The following C3orf49 variants were observed in gnomAD, a reference collection of about 807,000 sequenced individuals.
C3orf49 encodes putative uncharacterized protein C3orf49.
C3orf49 carries 27 observed loss-of-function variants against 13.3 expected under a neutral mutation model. The observed-to-expected ratio is 2.02, with a 90% confidence interval of 1.49 to 2.79. The LOEUF is 2.79. Among genes scored for constraint, C3orf49 ranks in the 30% most tolerant of loss-of-function variants. The probability of loss-of-function intolerance (pLI) is 0.00; values close to 1 mark genes in which losing one functional copy is unlikely to be tolerated. For missense variants in C3orf49, 242 were observed against 134.2 expected, an observed-to-expected ratio of 1.80 and a Z score of -3.97; for synonymous variants, 87 against 47.6, an observed-to-expected ratio of 1.83 and a Z score of -3.40.
chr3:63,845,009 T>C lies in C3orf49; in HGVS notation c.850-14T>C. 1 of 693,072 alleles carries C rather than the reference T, an allele frequency of 1.4e-6. No homozygotes were observed. Among genetic ancestry groups the C allele is most frequent in the Non-Finnish European group, 2.6e-6 (1 of 379,666 alleles). 42.9% of individuals were successfully genotyped at this position (693,072 alleles called of 1,614,324 possible). A position where few individuals can be genotyped will look rare whatever the true frequency, so the allele number is the denominator to read the frequency against. On this transcript the variant is annotated splice_polypyrimidine_tract_variant and intron_variant, in intron 5 of 6. Transcript: ENST00000295896. ...TGAGATCTTTACATTTGTTGTAATTTTGTCTCTTGACAGATGACCACAAAA... is the reference window on the plus strand; with the variant it reads ...TGAGATCTTTACATTTGTTGTAATTCTGTCTCTTGACAGATGACCACAAAA...
chr3:63,786,469 G>A, the C3orf49 span, among the ~76,000 whole-genome samples: 13 of 152,252 alleles, frequency 8.5e-5, no homozygotes, highest in African/African-American at 2.9e-4. Context: ...CATGCTGACT[G>A]TTTAATGAGA....
the C3orf49 span, among the ~76,000 whole-genome samples, chr3:63,788,461 T>C: frequency 4.5e-4 from 69 of 152,234 alleles, no homozygotes; most frequent in African/African-American, 1.6e-3. Flanking sequence ...GGTGAAAACG[T>C]TGTTACGGAG....
chr3:63,793,508 C>T, the C3orf49 span, among the ~76,000 whole-genome samples: 1 of 151,978 alleles, frequency 6.6e-6, no homozygotes. Context: ...TGCCTTTTTC[C>T]CCTTCTTCGA....
intron 3 of C3orf49, among the ~76,000 whole-genome samples, chr3:63,829,761 T>C (rs751232847): frequency 4.0e-5 from 6 of 151,820 alleles, no homozygotes; most frequent in Non-Finnish European, 7.4e-5. Flanking sequence ...AGGAGGTTGA[T>C]ACCAGCCTGG....
At chr3:63,806,079 G>A in the C3orf49 span, among the ~76,000 whole-genome samples, 2 of 152,168 alleles carry the variant, frequency 1.3e-5, no homozygotes. Context: ...CCTGCACAAA[G>A]GATAAGCCAG....
the C3orf49 span, chr3:63,782,963 T>C: frequency 2.0e-5 from 3 of 152,228 alleles, no homozygotes; most frequent in Non-Finnish European, 4.4e-5. Flanking sequence ...AGATGACTAA[T>C]GGGATTTTAT....
At chr3:63,816,963 T>C (rs1232967774), upstream of C3orf49, among the ~76,000 whole-genome samples, 2 of 151,752 alleles carry the variant, frequency 1.3e-5, no homozygotes, top group African/African-American at 4.8e-5. Context: ...TTAGTAGAGA[T>C]GGGGGTTTCA....
chr3:63,783,281 G>C, the C3orf49 span, among the ~76,000 whole-genome samples: 1 of 152,024 alleles, frequency 6.6e-6, no homozygotes, highest in South Asian at 2.1e-4. Flanking sequence ...AACTAAACCA[G>C]TTTTCAATAT....
chr3:63,822,022 C>T (rs2107095347), intron 1 of C3orf49, among the ~76,000 whole-genome samples: 1 of 152,088 alleles, frequency 6.6e-6, no homozygotes, highest in South Asian at 2.1e-4. Flanking sequence ...GTCGCCCAGG[C>T]TGGATTGCAG....
At chr3:63,825,373 T>C (rs572603606) in intron 2 of C3orf49, among the ~76,000 whole-genome samples, 61 of 152,216 alleles carry the variant, frequency 4.0e-4, no homozygotes, top group African/African-American at 1.5e-3. Flanking sequence ...AAACTCTGTG[T>C]TCTGGAAAAA....
Position 63,845,030 on chromosome 3 carries a change from CA to C in C3orf49, c.861del (p.Gly288AspfsTer34). The C allele has an allele frequency of 2.9e-6, 2 of 697,524 alleles. No individual in the cohort carries two copies. Among genetic ancestry groups the C allele is most frequent in the South Asian group, 1.5e-5 (1 of 66,890 alleles). The allele number at this position is 697,524 out of a possible 1,614,324, so 43.2% of individuals were successfully genotyped here. ...MRKYKLKNMT[T>X]KGPGDS Reference sequence around the variant, plus strand: ...AATTTTGTCTCTTGACAGATGACCACAAAAGGACCTGGAGACAGCTGACCTG... The same window carrying C: ...AATTTTGTCTCTTGACAGATGACCACAAAGGACCTGGAGACAGCTGACCTG... On this transcript the variant is annotated frameshift_variant, in exon 6 of 7. Coordinates refer to ENST00000295896, the MANE Select transcript of C3orf49 (RefSeq NM_001355236.2). LOFTEE classifies it high-confidence loss of function.
intron 5 of C3orf49, among the ~76,000 whole-genome samples, chr3:63,834,360 T>TAA (rs879395587): frequency 6.8e-6 from 1 of 146,420 alleles, no homozygotes; most frequent in African/African-American, 2.5e-5. Context: ...AGACTTCACT[T>TAA]AAAAAAAAAA....
At position 63,831,130 on chromosome 3, in the gene C3orf49, G is replaced by A; in HGVS notation, c.591G>A (p.Lys197=). 1 of 701,588 alleles carries A rather than the reference G, an allele frequency of 1.4e-6. No homozygotes were observed. The highest frequency in any genetic ancestry group is 1.7e-5 in the African/African-American group (1 of 57,172). 43.5% of individuals were successfully genotyped at this position (701,588 alleles called of 1,614,324 possible). Residue 197 remains lysine, a synonymous_variant, in exon 4 of 7, where the codon AAG becomes AAA. Transcript: ENST00000295896. Reference sequence around the variant, plus strand: ...CATAGGGGCCATATTCACCAAAAAAGAGACCACACTTTCCAGCACTTAAAA... The same window carrying A: ...CATAGGGGCCATATTCACCAAAAAAAAGACCACACTTTCCAGCACTTAAAA... The part of the protein sequence containing the change: ...GLQKGPYSPK[K]RPHFPALKKK...
intron 3 of C3orf49, among the ~76,000 whole-genome samples, chr3:63,829,209 T>C (rs1191021135): frequency 6.6e-6 from 1 of 152,186 alleles, no homozygotes; most frequent in Non-Finnish European, 1.5e-5. Context: ...TTAGGCAGTC[T>C]GTAGGTTTGG....
chr3:63,783,076 T>A, the C3orf49 span: 1 of 152,158 alleles, frequency 6.6e-6, no homozygotes, highest in African/African-American at 2.4e-5. Context: ...TAAAGTATGA[T>A]CTTGGGTGGT....
the C3orf49 span, among the ~76,000 whole-genome samples, chr3:63,787,827 C>T: frequency 1.3e-5 from 2 of 152,216 alleles, no homozygotes; most frequent in Non-Finnish European, 2.9e-5. Context: ...GGCAACCCAA[C>T]TCCCAGGTTC....
At chr3:63,806,974 C>T in the C3orf49 span, among the ~76,000 whole-genome samples, 4 of 151,274 alleles carry the variant, frequency 2.6e-5, no homozygotes, top group Non-Finnish European at 4.4e-5. Context: ...TTTTTTTAGA[C>T]GGAGTCTCGC....
At chr3:63,806,964 T>G in the C3orf49 span, among the ~76,000 whole-genome samples, 2 of 152,088 alleles carry the variant, frequency 1.3e-5, no homozygotes, top group Admixed American at 6.5e-5. Context: ...TTTTTTTTCT[T>G]TTTTTTAGAC....
chr3:63,815,877 C>G (rs1194670128), upstream of C3orf49, among the ~76,000 whole-genome samples: 6 of 149,518 alleles, frequency 4.0e-5, no homozygotes, highest in East Asian at 1.2e-3. Context: ...AGCGAGGAGG[C>G]GTGAAGCCGG....
Sources: allele counts gnomAD v4.1 joint callset (sites outside exome capture counted in the v4.1 genomes callset), GRCh38; gene constraint gnomAD v4.1.1; transcripts MANE v1.5; gene names NCBI Gene and HGNC (gene_info 2026-07-23, HGNC 2026-07-21).